Variants in FOXK1 observed in about 807,000 individuals in gnomAD.
FOXK1 encodes forkhead box protein K1.
FOXK1 carries 19 observed loss-of-function variants against 51.9 expected under a neutral mutation model. The observed-to-expected ratio is 0.37, with a 90% confidence interval of 0.26 to 0.54. The LOEUF (loss-of-function observed/expected upper bound fraction) is 0.54. Among genes scored for constraint, FOXK1 ranks in the 20% least tolerant of loss-of-function variants. The pLI, the probability that FOXK1 is intolerant of heterozygous loss-of-function variation, is 0.87. For synonymous variants in FOXK1, 537 were observed against 482.6 expected (o/e 1.11, Z -1.48); for missense variants, 870 against 1,032.7 (o/e 0.84, Z 2.16).
rs1259084868 is a variant in FOXK1 at position 4,755,046 on chromosome 7, C to T, written c.904-191C>T. ...ATAATAAAACCGAAGTTTTCCTTCCCATGAGGCAAAAATGGTTGTTCCTAG... is the reference window on the plus strand; with the variant it reads ...ATAATAAAACCGAAGTTTTCCTTCCTATGAGGCAAAAATGGTTGTTCCTAG... On this transcript the variant is annotated intron_variant, in intron 3 of 8. Coordinates refer to ENST00000328914, the MANE Select transcript of FOXK1 (RefSeq NM_001037165.2). The surrounding 1 kb of genome is among the most constrained non-coding windows in gnomAD (Gnocchi z 6.6). 7.7e-6 allele frequency: 5 copies of T among 653,432 alleles called. No individual in the cohort carries two copies. The highest frequency in any genetic ancestry group is 1.3e-5 in the Non-Finnish European group (5 of 397,730). The allele number at this position is 653,432 out of a possible 1,614,324, so 40.5% of individuals were successfully genotyped here. A position where few individuals can be genotyped will look rare whatever the true frequency, so the allele number is the denominator to read the frequency against.
rs1780658270 is a variant in FOXK1, at chr7:4,743,252, T to C, written c.746+2229T>C. Among the ~76,000 whole-genome samples the C allele has an allele frequency of 6.6e-6, 1 of 152,154 alleles. No homozygotes were observed. Among genetic ancestry groups the C allele is most frequent in the Non-Finnish European group, 1.5e-5 (1 of 68,038 alleles). On this transcript the variant is annotated intron_variant, in intron 2 of 8. Coordinates refer to ENST00000328914, the MANE Select transcript of FOXK1 (RefSeq NM_001037165.2). The surrounding 1 kb of genome is among the most constrained non-coding windows in gnomAD (Gnocchi z 5.3). Reference sequence around the variant, plus strand: ...TTCAATTTTGTGAATATCCTAAAAGTCACTTTAAAGAGTGAACTGGCCGGG... The same window carrying C: ...TTCAATTTTGTGAATATCCTAAAAGCCACTTTAAAGAGTGAACTGGCCGGG...
At chr7:4,717,485 G>GGCTGGGAGGTGCC (rs1780251330) in intron 1 of FOXK1, among the ~76,000 whole-genome samples, 1 of 101,108 alleles carries the variant, frequency 9.9e-6, no homozygotes, top group Non-Finnish European at 2.0e-5. Flanking sequence ...TGGGAGGCAT[G>GGCTGGGAGGTGCC]TGGCTGGGAG....
chr7:4,719,119 T>TA (rs1562377687), intron 1 of FOXK1, among the ~76,000 whole-genome samples: 8 of 129,286 alleles, frequency 6.2e-5, no homozygotes, highest in African/African-American at 2.5e-4. Flanking sequence ...TTGTTTTTTT[T>TA]GTTTTTTTTT....
chr7:4,760,378 A>G (rs1047099230), intron 7 of FOXK1, among the ~76,000 whole-genome samples: 3 of 152,144 alleles, frequency 2.0e-5, no homozygotes, highest in Admixed American at 1.3e-4. Context: ...GCGCCCTCCT[A>G]GGCCACTCTC....
At position 4,690,570 on chromosome 7, in the gene FOXK1, A is replaced by G. The variant is rs142090271; in HGVS notation, c.560+7702A>G. 5.6e-3 allele frequency among the ~76,000 whole-genome samples: 851 copies of G among 152,368 alleles called. 7 individuals are homozygous for G. The highest frequency in any genetic ancestry group is 0.01 in the African/African-American group (423 of 41,590). The stretch of plus-strand genomic sequence containing the variant: ...TTGCCGCCCATTTAAGAAAACTTAC[A>G]TAGAATTTTAAAAGTCAGTCTATGA... On this transcript the variant is annotated intron_variant, in intron 1 of 8. Coordinates refer to ENST00000328914, the MANE Select transcript of FOXK1 (RefSeq NM_001037165.2).
intron 1 of FOXK1, among the ~76,000 whole-genome samples, chr7:4,696,950 C>A (rs1258256784): frequency 6.6e-6 from 1 of 152,200 alleles, no homozygotes; most frequent in Non-Finnish European, 1.5e-5. Context: ...CTCCTGTAGT[C>A]CCAGCTACAC....
At chr7:4,693,400 G>A (rs1369751073) in intron 1 of FOXK1, among the ~76,000 whole-genome samples, 1 of 152,176 alleles carries the variant, frequency 6.6e-6, no homozygotes. Flanking sequence ...TAGGTTCACA[G>A]CAAAAGCATA....
At chr7:4,759,877 A>G (rs1442200398) in intron 7 of FOXK1, 1 of 530,042 alleles carries the variant, frequency 1.9e-6, no homozygotes, top group East Asian at 3.3e-5. Flanking sequence ...CTGAAAATAC[A>G]AAAATTAGCC....
chr7:4,750,209 T>C (rs1473691093), intron 2 of FOXK1, among the ~76,000 whole-genome samples: 1 of 152,110 alleles, frequency 6.6e-6, no homozygotes, highest in Non-Finnish European at 1.5e-5. Context: ...GGCGTTTGAT[T>C]CCCGCGACGT....
intron 1 of FOXK1, among the ~76,000 whole-genome samples, chr7:4,684,070 G>A (rs1370415008): frequency 1.3e-5 from 2 of 152,114 alleles, no homozygotes; most frequent in East Asian, 1.9e-4. Flanking sequence ...GTCACCTCCC[G>A]CCCATTCCGG....
intron 1 of FOXK1, among the ~76,000 whole-genome samples, chr7:4,737,784 C>G (rs1380348878): frequency 6.6e-6 from 1 of 152,138 alleles, no homozygotes; most frequent in Non-Finnish European, 1.5e-5. Flanking sequence ...GCTAACAGCC[C>G]CCAGGACTGA....
rs370135047 is a variant in FOXK1, at chr7:4,759,411, C to G, written c.1512C>G (p.Thr504=). The part of the protein sequence containing the change: ...PVAYMPASIV[T]SQQPAGHAIH... The stretch of plus-strand genomic sequence containing the variant: ...CCTACATGCCCGCCTCCATCGTAAC[C>G]TCACAGCAGCCCGCGGGCCACGCCA... The change falls in exon 7 of 9, where the codon ACC becomes ACG. Residue 504 remains threonine, a synonymous_variant. Coordinates refer to ENST00000328914, the MANE Select transcript of FOXK1 (RefSeq NM_001037165.2). 5.2e-5 allele frequency: 83 copies of G among 1,600,656 alleles called. 1 individual carries two copies. Among genetic ancestry groups the G allele is most frequent in the Non-Finnish European group, 6.3e-5 (74 of 1,178,148 alleles).
At chr7:4,737,032 G>A (rs1266863998) in intron 1 of FOXK1, among the ~76,000 whole-genome samples, 2 of 152,174 alleles carry the variant, frequency 1.3e-5, no homozygotes, top group Non-Finnish European at 2.9e-5. Flanking sequence ...TCCAGAGGGG[G>A]ACCATGCTCC....
At chr7:4,740,540 G>T (rs1004831880) in intron 1 of FOXK1, among the ~76,000 whole-genome samples, 1 of 152,130 alleles carries the variant, frequency 6.6e-6, no homozygotes, top group Non-Finnish European at 1.5e-5. Flanking sequence ...GAACCCAGGA[G>T]GCTGAGGTTG....
chr7:4,710,045 T>C (rs1211613119), intron 1 of FOXK1, among the ~76,000 whole-genome samples: 1 of 152,230 alleles, frequency 6.6e-6, no homozygotes, highest in East Asian at 1.9e-4. Context: ...CACTTCTTCT[T>C]ACGGTTTTAA....
Position 4,756,930 on chromosome 7 carries a change from T to C in FOXK1, c.1051-64T>C. 2 of 1,557,752 alleles carry C rather than the reference T, an allele frequency of 1.3e-6. No homozygotes were observed. Among genetic ancestry groups the C allele is most frequent in the East Asian group, 4.5e-5 (2 of 44,492 alleles). ...CCTGGTCCCGCATCTGCTGCAGATTTGAGGTGGGTGGGACTCATTTTCTGA... is the reference window on the plus strand; with the variant it reads ...CCTGGTCCCGCATCTGCTGCAGATTCGAGGTGGGTGGGACTCATTTTCTGA... On this transcript the variant is annotated intron_variant, in intron 4 of 8. Coordinates refer to ENST00000328914, the MANE Select transcript of FOXK1 (RefSeq NM_001037165.2). The surrounding 1 kb of genome is among the most constrained non-coding windows in gnomAD (Gnocchi z 4.1).
intron 1 of FOXK1, among the ~76,000 whole-genome samples, chr7:4,732,904 C>G (rs1780501862): frequency 6.6e-6 from 1 of 152,210 alleles, no homozygotes; most frequent in Admixed American, 6.5e-5. Context: ...GTCCAGCGTT[C>G]TCTGTACCTA....
At chr7:4,684,796 C>A (rs1007834422) in intron 1 of FOXK1, among the ~76,000 whole-genome samples, 3 of 152,178 alleles carry the variant, frequency 2.0e-5, no homozygotes, top group Non-Finnish European at 4.4e-5. Flanking sequence ...GAGTCAGGCC[C>A]AGCTTTAGTG....
Position 4,755,389 on chromosome 7 carries a change from G to A in FOXK1, c.1050+6G>A, listed in dbSNP as rs1375775632. The A allele has an allele frequency of 6.2e-7, 1 of 1,613,252 alleles. No homozygotes were observed. The highest frequency in any genetic ancestry group is 1.3e-5 in the African/African-American group (1 of 74,938). ...CGGCCGACAAAGGCTGGCAGGTGAA[G>A]CCGAGTCCCCAGGGCCGGATCGCCT... On this transcript the variant is annotated splice_donor_region_variant and intron_variant, in intron 4 of 8. Coordinates refer to ENST00000328914, the MANE Select transcript of FOXK1 (RefSeq NM_001037165.2). This position sits in a 1 kb window ranked among gnomAD's most constrained non-coding sequence, Gnocchi z 6.6.
Sources: gnomAD v4.1 joint callset for allele counts (sites outside exome capture counted in the v4.1 genomes callset) on GRCh38, gnomAD v4.1.1 for gene constraint, Gnocchi (gnomAD v3.1) non-coding constraint, MANE v1.5 for transcripts, NCBI Gene and HGNC (gene_info 2026-07-23, HGNC 2026-07-21) for gene names.